GPHN: variants seen among roughly 807,000 people sequenced by gnomAD.
The protein encoded by GPHN is gephyrin.
Under a neutral mutation model 95.5 loss-of-function variants are expected in GPHN, and 17 were observed. The observed-to-expected ratio is 0.18, with a 90% CI of 0.12 to 0.27. The LOEUF is 0.27. Ranked by LOEUF, GPHN falls within the 10% of genes least tolerant of loss-of-function variation. The pLI, the probability that GPHN is intolerant of heterozygous loss-of-function variation, is 1.00. For missense variants in GPHN, 660 were observed against 978.1 expected, an observed-to-expected ratio of 0.67 and a Z score of 4.34; for synonymous variants, 320 against 322.5, an observed-to-expected ratio of 0.99 and a Z score of 0.08.
At chr14:67,647,989 T>TC in the GPHN span, 2 of 1,496,248 alleles carry the variant, frequency 1.3e-6, no homozygotes, top group Non-Finnish European at 1.8e-6. Context: ...AGGATGAGTG[T>TC]CCAAGGACAA....
chr14:67,642,262 G>A, the GPHN span: 3 of 1,614,106 alleles, frequency 1.9e-6, no homozygotes, highest in South Asian at 1.1e-5. Context: ...ACCTGATAGT[G>A]AATCCACGCT....
intron 2 of GPHN, among the ~76,000 whole-genome samples, chr14:66,683,734 T>C (rs920662449): frequency 3.3e-5 from 5 of 151,510 alleles, no homozygotes; most frequent in Admixed American, 6.6e-5. Context: ...TCCCAGCACT[T>C]TGGGAGGCCG....
intron 1 of GPHN, among the ~76,000 whole-genome samples, chr14:66,537,439 T>A (rs555609534): frequency 1.9e-4 from 29 of 152,036 alleles, no homozygotes; most frequent in Non-Finnish European, 3.1e-4. Flanking sequence ...TTTTAATAAA[T>A]CTTGATTTTT....
the GPHN span, chr14:67,555,861 C>T: frequency 6.2e-7 from 1 of 1,613,474 alleles, no homozygotes; most frequent in African/African-American, 1.3e-5. Flanking sequence ...GGAGGCAGAG[C>T]AGAGAGCAGA....
At chr14:67,224,426 T>C in the GPHN span, among the ~76,000 whole-genome samples, 1 of 151,822 alleles carries the variant, frequency 6.6e-6, no homozygotes, top group Non-Finnish European at 1.5e-5. Context: ...GCCTAGCTAA[T>C]TGTTTTTGTA....
At chr14:66,823,511 G>C (rs993108712) in intron 3 of GPHN, among the ~76,000 whole-genome samples, 1 of 152,116 alleles carries the variant, frequency 6.6e-6, no homozygotes, top group Non-Finnish European at 1.5e-5. Flanking sequence ...AAGTTCTTTA[G>C]ATGGGCTCTC....
chr14:67,293,989 C>T, the GPHN span, among the ~76,000 whole-genome samples: 2 of 152,076 alleles, frequency 1.3e-5, no homozygotes, highest in African/African-American at 4.8e-5. Context: ...AACAACTTAG[C>T]TTAAAGGGTT....
chr14:67,356,357 G>GT, the GPHN span, among the ~76,000 whole-genome samples: 1 of 151,486 alleles, frequency 6.6e-6, no homozygotes, highest in African/African-American at 2.4e-5. Flanking sequence ...GCAGGCAGAG[G>GT]TTGCAGTGAG....
At chr14:67,586,702 A>T in the GPHN span, 2 of 738,112 alleles carry the variant, frequency 2.7e-6, no homozygotes, top group Non-Finnish European at 3.8e-6. Flanking sequence ...TCTCCTTTTT[A>T]ATCCTAAAGT....
the GPHN span, among the ~76,000 whole-genome samples, chr14:67,482,994 G>A: frequency 6.6e-6 from 1 of 152,134 alleles, no homozygotes; most frequent in Non-Finnish European, 1.5e-5. Context: ...GGCAGAAAGA[G>A]GCTACGTTCT....
At chr14:66,617,583 G>T (rs2063103636) in intron 1 of GPHN, among the ~76,000 whole-genome samples, 1 of 152,166 alleles carries the variant, frequency 6.6e-6, no homozygotes, top group Admixed American at 6.5e-5. Flanking sequence ...AATTGCTGGT[G>T]AGGGATTCAC....
chr14:66,997,587 T>C lies in GPHN; in HGVS notation c.964-26046T>C, dbSNP rs117074102. 4.4e-3 allele frequency among the ~76,000 whole-genome samples: 663 copies of C among 152,216 alleles called. 1 individual carries two copies. The highest frequency in any genetic ancestry group is 7.0e-3 in the Non-Finnish European group (476 of 68,008). The stretch of plus-strand genomic sequence containing the variant: ...AGATAGTACTGTTTAAAATACGAGG[T>C]AGTATATGCAGAACCAGAGGCAGAA... On this transcript the variant is annotated intron_variant, in intron 9 of 22. Transcript: ENST00000478722.
chr14:66,963,070 CT>C (rs2069066589), intron 8 of GPHN, among the ~76,000 whole-genome samples: 1 of 151,892 alleles, frequency 6.6e-6, no homozygotes, highest in Non-Finnish European at 1.5e-5. Context: ...CAGCCATCGT[CT>C]TTTGTTCTTT....
At chr14:67,726,155 G>A in the GPHN span, 4 of 1,589,394 alleles carry the variant, frequency 2.5e-6, no homozygotes, top group South Asian at 4.4e-5. Flanking sequence ...CAACCACCTG[G>A]GTAAGTATCT....
the GPHN span, chr14:67,200,229 C>T: frequency 9.9e-7 from 1 of 1,008,504 alleles, no homozygotes; most frequent in South Asian, 1.7e-5. Context: ...CCCTCCACAA[C>T]CCACACCCTA....
chr14:67,567,549 A>G, the GPHN span, among the ~76,000 whole-genome samples: 1,962 of 152,198 alleles, frequency 0.013, 57 homozygotes, highest in African/African-American at 0.044. Flanking sequence ...CTACACGAGC[A>G]CAGAAACTCC....
intron 12 of GPHN, among the ~76,000 whole-genome samples, chr14:67,099,141 C>T (rs1159386599): frequency 6.7e-6 from 1 of 148,398 alleles, no homozygotes; most frequent in East Asian, 2.0e-4. Flanking sequence ...CGGAGTTTCA[C>T]TCTTGTTGCC....
chr14:67,289,768 C>CTTTTTTTTTTTTTT, the GPHN span, among the ~76,000 whole-genome samples: 2 of 95,508 alleles, frequency 2.1e-5, 1 homozygote, highest in Non-Finnish European at 4.3e-5. Flanking sequence ...TTTTCCATGT[C>CTTTTTTTTTTTTTT]CTTTTTTTTT....
At chr14:67,262,545 T>C in the GPHN span, among the ~76,000 whole-genome samples, 1 of 152,172 alleles carries the variant, frequency 6.6e-6, no homozygotes, top group Non-Finnish European at 1.5e-5. Flanking sequence ...TTCCTTCTGC[T>C]ACTTCCCTTT....
Sources: gnomAD v4.1 joint callset for allele counts (sites outside exome capture counted in the v4.1 genomes callset) on GRCh38, gnomAD v4.1.1 for gene constraint, MANE v1.5 for transcripts, NCBI Gene and HGNC (gene_info 2026-07-23, HGNC 2026-07-21) for gene names.